ALDH1A1: variants seen among roughly 807,000 people sequenced by gnomAD.
The protein encoded by ALDH1A1 is aldehyde dehydrogenase 1A1.
A neutral mutation model predicts 62.1 loss-of-function variants in ALDH1A1; 19 were observed. That is an observed-to-expected ratio of 0.31 (90% confidence interval 0.21 to 0.45). The LOEUF (loss-of-function observed/expected upper bound fraction) is 0.45, where lower values mean the gene tolerates loss of function less well. ALDH1A1 is among the 20% of genes least tolerant of loss of function. The pLI, the probability that ALDH1A1 is intolerant of heterozygous loss-of-function variation, is 1.00. For missense variants in ALDH1A1, 521 were observed against 607.1 expected, an observed-to-expected ratio of 0.86 and a Z score of 1.49; for synonymous variants, 231 against 215.9, an observed-to-expected ratio of 1.07 and a Z score of -0.61.
Position 72,917,061 on chromosome 9 carries a change from G to T in ALDH1A1, c.894C>A (p.His298Gln). The change falls in exon 9 of 13, where the codon CAC (histidine) becomes CAA (glutamine). Residue 298 changes from histidine (H) to glutamine (Q), a missense_variant. By Grantham distance (24) the His-to-Gln change is conservative. Transcript: ENST00000297785. ...ATGCGGCTATACAACACTGGCCCTG[G>T]TGGTAGAATACCCCATGGTGTGCAA... is the stretch of plus-strand genomic sequence containing the variant. ...VEFAHHGVFY[H>Q]QGQCCIAASR... is the part of the protein sequence containing the mutation. 6.2e-7 allele frequency: 1 copy of T among 1,611,938 alleles called. No individual in the cohort carries two copies. The highest frequency in any genetic ancestry group is 8.5e-7 in the Non-Finnish European group (1 of 1,178,844).
At chr9:72,907,754 A>G (rs539305932) in intron 11 of ALDH1A1, among the ~76,000 whole-genome samples, 8 of 152,352 alleles carry the variant, frequency 5.3e-5, no homozygotes, top group Middle Eastern at 3.4e-3. Context: ...TTGCGTGAAT[A>G]GTATTCTTGT....
At position 72,940,137 on chromosome 9, in the gene ALDH1A1, C is replaced by CA; in HGVS notation, c.171+10dup. On this transcript the variant is annotated intron_variant, in intron 2 of 12. Coordinates refer to ENST00000297785, the MANE Select transcript of ALDH1A1 (RefSeq NM_000689.5). Reference sequence around the variant, plus strand: ...CCTGGCATAAAATGAAACTAGTGTTCAGAAACTCACCTTATCTCCTTCTTC... The same window carrying CA: ...CCTGGCATAAAATGAAACTAGTGTTCAAGAAACTCACCTTATCTCCTTCTTC... 6.3e-7 allele frequency: 1 copy of CA among 1,598,990 alleles called. No individual in the cohort carries two copies. Among genetic ancestry groups the CA allele is most frequent in the Non-Finnish European group, 8.6e-7 (1 of 1,166,664 alleles).
At chr9:72,949,741 T>C (rs1475142457) in intron 1 of ALDH1A1, among the ~76,000 whole-genome samples, 1 of 151,342 alleles carries the variant, frequency 6.6e-6, no homozygotes, top group African/African-American at 2.4e-5. Context: ...GAACAAACCA[T>C]GGTTTAATAA....
At chr9:72,942,005 G>A (rs2118570812) in intron 1 of ALDH1A1, among the ~76,000 whole-genome samples, 1 of 152,192 alleles carries the variant, frequency 6.6e-6, no homozygotes, top group East Asian at 1.9e-4. Context: ...GAAGTATCAA[G>A]AAACCCTATC....
At chr9:72,908,576 AAAGAAAGAAAGAAAGAAAG>A (rs1358625234) in intron 11 of ALDH1A1, among the ~76,000 whole-genome samples, 1 of 120,924 alleles carries the variant, frequency 8.3e-6, no homozygotes, top group Non-Finnish European at 1.8e-5. Context: ...AGAAAGAAAG[AAAGAAAGAAAGAAAGAAAG>A]AAAGAAAGAA....
At chr9:72,922,155 G>A (rs568340702) in intron 7 of ALDH1A1, among the ~76,000 whole-genome samples, 1 of 152,240 alleles carries the variant, frequency 6.6e-6, no homozygotes, top group South Asian at 2.1e-4. Context: ...GGCATGTACT[G>A]AGCGCTCAGT....
At chr9:72,952,345 A>G (rs1227051374) in intron 1 of ALDH1A1, among the ~76,000 whole-genome samples, 2 of 152,008 alleles carry the variant, frequency 1.3e-5, no homozygotes, top group Non-Finnish European at 2.9e-5. Flanking sequence ...TCAGTTAACA[A>G]TTACACATCT....
At chr9:72,925,271 A>G (rs2161811) in intron 6 of ALDH1A1, among the ~76,000 whole-genome samples, 65,693 of 151,956 alleles carry the variant, frequency 0.43, 15,258 homozygotes, top group Non-Finnish European at 0.5. Flanking sequence ...TTGACACCAA[A>G]CCTTTGTGTT....
At chr9:72,941,641 C>G (rs915131362) in intron 1 of ALDH1A1, among the ~76,000 whole-genome samples, 1 of 152,102 alleles carries the variant, frequency 6.6e-6, no homozygotes, top group Admixed American at 6.6e-5. Context: ...GAATAACTAA[C>G]TTAATTGAAT....
chr9:72,901,287 A>G lies in ALDH1A1; in HGVS notation c.1434-7T>C, dbSNP rs1171971997. 5 of 1,598,306 alleles carry G rather than the reference A, an allele frequency of 3.1e-6. No homozygotes were observed. Among genetic ancestry groups the G allele is most frequent in the African/African-American group, 1.3e-5 (1 of 74,738 alleles). ...ATGGAAACCGTACTCTCCCCTAGAG[A>G]GAAGAAAAACATACCCACAAACACC... On this transcript the variant is annotated splice_region_variant and splice_polypyrimidine_tract_variant and intron_variant, in intron 12 of 12. Transcript: ENST00000297785.
intron 1 of ALDH1A1, among the ~76,000 whole-genome samples, chr9:72,941,232 G>C (rs767901203): frequency 6.6e-6 from 1 of 152,030 alleles, no homozygotes; most frequent in African/African-American, 2.4e-5. Context: ...CTTCTTACTG[G>C]ATATCTAAAG....
chr9:72,908,535 G>GAAAA (rs1372697504), intron 11 of ALDH1A1, among the ~76,000 whole-genome samples: 1 of 110,796 alleles, frequency 9.0e-6, no homozygotes, highest in African/African-American at 3.6e-5. Context: ...AAGAAAGAAA[G>GAAAA]AAAGAAAGAA....
chr9:72,946,295 C>A (rs1026313857), intron 1 of ALDH1A1, among the ~76,000 whole-genome samples: 1 of 151,840 alleles, frequency 6.6e-6, no homozygotes, highest in Non-Finnish European at 1.5e-5. Flanking sequence ...AAAAAAGTAT[C>A]GATAGAGCAG....
chr9:72,922,639 C>T (rs997365103), intron 7 of ALDH1A1, among the ~76,000 whole-genome samples: 1 of 152,224 alleles, frequency 6.6e-6, no homozygotes, highest in Non-Finnish European at 1.5e-5. Flanking sequence ...CATTCAAAGC[C>T]ATCCCTGGCC....
At chr9:72,923,694 T>G (rs1158253644) in intron 7 of ALDH1A1, among the ~76,000 whole-genome samples, 1 of 152,192 alleles carries the variant, frequency 6.6e-6, no homozygotes, top group Non-Finnish European at 1.5e-5. Context: ...ATCATATTCA[T>G]TCATACAAAT....
At chr9:72,929,117 T>G in intron 3 of ALDH1A1, 96 bp from the exon 4 acceptor site, 1 of 1,380,788 alleles carries the variant, frequency 7.2e-7, no homozygotes. Flanking sequence ...TAGGGAATTT[T>G]TGAAATAGAA....
intron 3 of ALDH1A1, among the ~76,000 whole-genome samples, chr9:72,930,000 T>C (rs902619836): frequency 2.0e-5 from 3 of 152,238 alleles, no homozygotes; most frequent in Admixed American, 2.0e-4. Flanking sequence ...TGTTGAATAT[T>C]TGAGTAATAA....
intron 12 of ALDH1A1, among the ~76,000 whole-genome samples, 167 bp downstream of exon 12, chr9:72,905,791 G>T (rs1267080187): frequency 1.3e-5 from 2 of 152,036 alleles, no homozygotes; most frequent in Non-Finnish European, 2.9e-5. Flanking sequence ...ATCACCTTTT[G>T]CACTTATGGA....
intron 3 of ALDH1A1, among the ~76,000 whole-genome samples, chr9:72,929,711 C>T (rs191573839): frequency 5.4e-4 from 82 of 152,226 alleles, no homozygotes; most frequent in Non-Finnish European, 1.1e-3. Context: ...TAATATTCTG[C>T]TGGGGTGGTT....
Sources: gnomAD v4.1 joint callset for allele counts (sites outside exome capture counted in the v4.1 genomes callset) on GRCh38, gnomAD v4.1.1 for gene constraint, MANE v1.5 for transcripts, NCBI Gene and HGNC (gene_info 2026-07-23, HGNC 2026-07-21) for gene names.